Variants in DNAH10 observed in about 807,000 individuals in gnomAD.
The protein encoded by DNAH10 is axonemal beta dynein heavy chain 10.
Under a neutral mutation model 506.6 loss-of-function variants are expected in DNAH10, and 348 were observed. The ratio of observed to expected loss-of-function variants is 0.69; its 90% CI spans 0.63 to 0.75. The LOEUF (loss-of-function observed/expected upper bound fraction) is 0.75. Ranked by LOEUF, DNAH10 falls within the 30% of genes least tolerant of loss-of-function variation. The pLI is 0.00. For synonymous variants in DNAH10, 2,059 were observed against 2,198.6 expected (o/e 0.94, Z 1.78); for missense variants, 5,179 against 5,787.1 (o/e 0.89, Z 3.41).
At chr12:123,786,049 G>A (rs967224957) in intron 9 of DNAH10, 113 bp downstream of exon 9, 1 of 1,224,172 alleles carries the variant, frequency 8.2e-7, no homozygotes, top group African/African-American at 1.5e-5. Context: ...TACTTAAAAT[G>A]TACAATTCAC....
Position 123,838,565 on chromosome 12 carries a change from G to A in DNAH10, c.5012G>A (p.Ser1671Asn). ...GAGGGCCTGGAGAAATGCCAGAAAA[G>A]CCTCAACGACTACTTAGATTCGAAG... Reference protein sequence around the residue: ...VSEGLEKCQKSLNDYLDSKRN... With the variant: ...VSEGLEKCQKNLNDYLDSKRN... Residue 1671 changes from serine to asparagine, a missense_variant, in exon 29 of 79, where the codon AGC becomes AAC. Transcript: ENST00000673944. The A allele has an allele frequency of 1.2e-6, 2 of 1,614,026 alleles. No individual in the cohort carries two copies. The highest frequency in any genetic ancestry group is 1.7e-6 in the Non-Finnish European group (2 of 1,179,896).
At position 123,919,197 on chromosome 12, in the gene DNAH10, T is replaced by C. The variant is rs1318380990; in HGVS notation, c.11506+248T>C. Among the ~76,000 whole-genome samples the C allele has an allele frequency of 6.6e-6, 1 of 151,976 alleles. No homozygotes were observed. The highest frequency in any genetic ancestry group is 1.5e-5 in the Non-Finnish European group (1 of 67,982). On this transcript the variant is annotated intron_variant, in intron 65 of 78. Transcript: ENST00000673944. The surrounding 1 kb of genome is among the most constrained non-coding windows in gnomAD (Gnocchi z 4.9). ...CTCAGGTGATCCTCCTACCTCAGCC[T>C]CCAGAGTAGCTGGGACTAAAGGCAC...
intron 26 of DNAH10, among the ~76,000 whole-genome samples, chr12:123,832,348 A>T (rs1313985599): frequency 1.3e-5 from 2 of 152,202 alleles, no homozygotes; most frequent in Non-Finnish European, 2.9e-5. Flanking sequence ...ACACACATAT[A>T]CATATACACA....
At chr12:123,866,330 G>A (rs577639847) in intron 41 of DNAH10, among the ~76,000 whole-genome samples, 44 of 131,838 alleles carry the variant, frequency 3.3e-4, no homozygotes, top group African/African-American at 1.2e-3. Flanking sequence ...TGCAAGCTCC[G>A]CCTCCCAGGT....
intron 6 of DNAH10, 82 bp downstream of exon 6, chr12:123,781,381 G>A (rs1957643299): frequency 9.8e-6 from 13 of 1,331,330 alleles, no homozygotes; most frequent in Non-Finnish European, 1.3e-5. Flanking sequence ...CACCATGCCT[G>A]GCTAACTTTT....
chr12:123,859,273 G>A lies in DNAH10; in HGVS notation c.6749+5G>A, dbSNP rs1302094353. The A allele has an allele frequency of 6.3e-7, 1 of 1,589,610 alleles. No individual in the cohort carries two copies. The highest frequency in any genetic ancestry group is 1.8e-5 in the Admixed American group (1 of 54,978). On this transcript the variant is annotated splice_donor_5th_base_variant and intron_variant, in intron 38 of 78. Transcript: ENST00000673944. ...TCTGTGTCAGGCCCAGACCAAGTGA[G>A]TATGACCTCCGTAGGGAGGGCCTGG...
chr12:123,830,467 C>T (rs1960422201), intron 25 of DNAH10, 79 bp from the exon 26 acceptor site: 1 of 1,399,664 alleles, frequency 7.1e-7, no homozygotes, highest in South Asian at 1.5e-5. Context: ...TGAGATTTGT[C>T]CTGTGATTTA....
intron 5 of DNAH10, among the ~76,000 whole-genome samples, chr12:123,778,447 C>T (rs899063059): frequency 2.6e-5 from 4 of 152,144 alleles, no homozygotes. Flanking sequence ...GTAATCCCAG[C>T]ACTTTGGGAG....
In DNAH10 at chr12:123,818,978, A is replaced by C; in HGVS notation, c.3809A>C (p.Asp1270Ala). 6.2e-7 allele frequency: 1 copy of C among 1,606,450 alleles called. No homozygotes were observed. Among genetic ancestry groups the C allele is most frequent in the Non-Finnish European group, 8.5e-7 (1 of 1,176,310 alleles). The change falls in exon 22 of 79, where the codon GAT (aspartate) becomes GCT (alanine). Residue 1270 changes from aspartate (D) to alanine (A), a missense_variant. By Grantham distance (126) the Asp-to-Ala change is moderately radical. Around this residue, in one of 3 missense-constraint regions of DNAH10, gnomAD observed 4,844 missense variants for 5,430.5 expected, o/e 0.89. Transcript: ENST00000673944. ...CCTGATGCAGAGAAAGAACTGGTTGATAAGATTGAGAGCATATGGTCCAAT... is the reference window on the plus strand; with the variant it reads ...CCTGATGCAGAGAAAGAACTGGTTGCTAAGATTGAGAGCATATGGTCCAAT... ...FPPDAEKELV[D>A]KIESIWSNLF...
chr12:123,803,045 A>G (rs1958532681), intron 16 of DNAH10, among the ~76,000 whole-genome samples: 1 of 152,002 alleles, frequency 6.6e-6, no homozygotes, highest in South Asian at 2.1e-4. Flanking sequence ...TTCTCGTAGG[A>G]GGGCCTCTGG....
chr12:123,916,168 C>T lies in DNAH10; in HGVS notation c.10723-289C>T, dbSNP rs1328575059. ...TGAAATTGTCAGCCTACCCCTAGTC[C>T]AATTCCAACATCTACCCTCTCTCTT... On this transcript the variant is annotated intron_variant, in intron 62 of 78. Transcript: ENST00000673944. The surrounding 1 kb of genome is among the most constrained non-coding windows in gnomAD (Gnocchi z 4.6). 6.6e-6 allele frequency among the ~76,000 whole-genome samples: 1 copy of T among 152,126 alleles called. No individual in the cohort carries two copies. The highest frequency in any genetic ancestry group is 2.4e-5 in the African/African-American group (1 of 41,430).
chr12:123,796,091 G>A (rs1958266046), intron 12 of DNAH10, among the ~76,000 whole-genome samples: 1 of 152,110 alleles, frequency 6.6e-6, no homozygotes, highest in Admixed American at 6.5e-5. Flanking sequence ...CTGATAATTG[G>A]ATCAAGCCAA....
At chr12:123,895,145 A>G (rs1223729316) in intron 54 of DNAH10, among the ~76,000 whole-genome samples, 1 of 152,252 alleles carries the variant, frequency 6.6e-6, no homozygotes, top group Non-Finnish European at 1.5e-5. Flanking sequence ...CTCTTTGTAG[A>G]AAACATGTGC....
At chr12:123,826,354 TC>T (rs1378623583) in intron 24 of DNAH10, among the ~76,000 whole-genome samples, 1 of 152,182 alleles carries the variant, frequency 6.6e-6, no homozygotes, top group Admixed American at 6.5e-5. Flanking sequence ...ATGAAGTACA[TC>T]CTTTAAGACC....
At chr12:123,881,387 T>G (rs1952499362) in intron 50 of DNAH10, among the ~76,000 whole-genome samples, 1 of 152,236 alleles carries the variant, frequency 6.6e-6, no homozygotes. Context: ...TGATTTGCAT[T>G]TCTCTGATGG....
intron 59 of DNAH10, among the ~76,000 whole-genome samples, chr12:123,911,216 G>C (rs1377592945): frequency 1.6e-5 from 2 of 122,998 alleles, no homozygotes; most frequent in Non-Finnish European, 3.4e-5. Flanking sequence ...TGTTTCTCTA[G>C]GGTCAAAGCA....
chr12:123,864,621 A>G lies in DNAH10; in HGVS notation c.6935A>G (p.Asp2312Gly). ...RKYILFDGDV[D>G]ALWVENMNSV... ...TATATTTTATTTGATGGTGATGTGG[A>G]TGCTCTATGGGTGGAAAACATGAAT... The change falls in exon 40 of 79, where the codon GAT (aspartate) becomes GGT (glycine). Residue 2312 changes from aspartate (D) to glycine (G), a missense_variant. Around this residue, in one of 3 missense-constraint regions of DNAH10, gnomAD observed 4,844 missense variants for 5,430.5 expected, o/e 0.89. Coordinates refer to ENST00000673944, the MANE Select transcript of DNAH10 (RefSeq NM_001372106.1). 1 of 1,613,868 alleles carries G rather than the reference A, an allele frequency of 6.2e-7. No individual in the cohort carries two copies. The highest frequency in any genetic ancestry group is 8.5e-7 in the Non-Finnish European group (1 of 1,179,858).
chr12:123,768,323 C>T lies in DNAH10; in HGVS notation c.298+634C>T, dbSNP rs568211214. ...CTAATTTTTGTATTTTCAGTAGAGA[C>T]GGGGTTTCACCATGTTGGCCAGGCT... is the stretch of plus-strand genomic sequence containing the variant. On this transcript the variant is annotated intron_variant, in intron 2 of 78. Coordinates refer to ENST00000673944, the MANE Select transcript of DNAH10 (RefSeq NM_001372106.1). Among the ~76,000 whole-genome samples the T allele has an allele frequency of 7.2e-5, 11 of 152,176 alleles. No individual in the cohort carries two copies. In the South Asian group the frequency reaches 1.2e-3, roughly 17 times the overall value.
Position 123,907,994 on chromosome 12 carries a change from A to T in DNAH10, c.9816-1267A>T, listed in dbSNP as rs1415901836. 2.0e-5 allele frequency among the ~76,000 whole-genome samples: 3 copies of T among 151,736 alleles called. No homozygotes were observed. The highest frequency in any genetic ancestry group is 2.4e-5 in the African/African-American group (1 of 41,272). On this transcript the variant is annotated intron_variant, in intron 57 of 78. Transcript: ENST00000673944. The surrounding 1 kb of genome is among the most constrained non-coding windows in gnomAD (Gnocchi z 4.4). Reference sequence around the variant, plus strand: ...TCTGCTGTCTGTGTGGGAGTGTGTGAGGGTTCCGGGGTCAGGAGGGGTGGG... The same window carrying T: ...TCTGCTGTCTGTGTGGGAGTGTGTGTGGGTTCCGGGGTCAGGAGGGGTGGG...
Sources: gnomAD v4.1 joint callset for allele counts (sites outside exome capture counted in the v4.1 genomes callset) on GRCh38, gnomAD v4.1.1 for gene constraint, gnomAD v4.1.1 regional missense constraint, Gnocchi (gnomAD v3.1) non-coding constraint, MANE v1.5 for transcripts, NCBI Gene and HGNC (gene_info 2026-07-23, HGNC 2026-07-21) for gene names.